The following PHF24 variants were observed in gnomAD, a reference collection of about 807,000 sequenced individuals.
The protein encoded by PHF24 is Galpha inhibitory interacting protein.
In PHF24, 25 loss-of-function variants were observed where a neutral mutation model predicts 42.6. The observed-to-expected ratio is 0.59, with a 90% CI of 0.43 to 0.82. PHF24 has a LOEUF of 0.82. Among genes scored for constraint, PHF24 ranks in the 40% least tolerant of loss-of-function variants. The probability of loss-of-function intolerance (pLI) is 0.00; values close to 1 mark genes in which losing one functional copy is unlikely to be tolerated. For missense variants in PHF24, 470 were observed against 538.1 expected, an observed-to-expected ratio of 0.87 and a Z score of 1.25; for synonymous variants, 185 against 204.8, an observed-to-expected ratio of 0.90 and a Z score of 0.83.
the PHF24 span, among the ~76,000 whole-genome samples, chr9:34,942,465 C>T: frequency 9.8e-5 from 15 of 152,298 alleles, no homozygotes; most frequent in East Asian, 2.1e-3. Flanking sequence ...CCCTCTAGAG[C>T]ACATCAGCAT....
the PHF24 span, among the ~76,000 whole-genome samples, chr9:34,901,516 T>C: frequency 6.6e-6 from 1 of 152,336 alleles, no homozygotes; most frequent in East Asian, 1.9e-4. Flanking sequence ...GCAGAATCTA[T>C]GTATTAAAAG....
At chr9:34,709,382 C>T in the PHF24 span, 1 of 1,606,190 alleles carries the variant, frequency 6.2e-7, no homozygotes, top group South Asian at 1.1e-5. Flanking sequence ...GGGCTCCAGG[C>T]TGCTCACTGG....
chr9:34,936,217 C>T, the PHF24 span, among the ~76,000 whole-genome samples: 4 of 152,308 alleles, frequency 2.6e-5, no homozygotes, highest in South Asian at 2.1e-4. Flanking sequence ...TGCAGGCGCG[C>T]GCCGCCACGC....
chr9:34,923,545 T>C, the PHF24 span, among the ~76,000 whole-genome samples: 2 of 152,190 alleles, frequency 1.3e-5, no homozygotes, highest in Non-Finnish European at 2.9e-5. Flanking sequence ...CTTCATGATA[T>C]AATCTAGGTA....
At chr9:34,713,465 C>T in the PHF24 span, among the ~76,000 whole-genome samples, 1 of 152,038 alleles carries the variant, frequency 6.6e-6, no homozygotes, top group Non-Finnish European at 1.5e-5. Flanking sequence ...ATGCTCTCTT[C>T]TGAAAGACCA....
the PHF24 span, among the ~76,000 whole-genome samples, chr9:34,766,472 T>C: frequency 2.6e-5 from 4 of 152,200 alleles, no homozygotes; most frequent in East Asian, 3.8e-4. Context: ...CACTGATACC[T>C]TTTCTTCCAG....
At chr9:34,826,355 A>G in the PHF24 span, among the ~76,000 whole-genome samples, 4 of 152,228 alleles carry the variant, frequency 2.6e-5, no homozygotes, top group Non-Finnish European at 5.9e-5. Context: ...CACAGAGGCC[A>G]TTCTGGCCCT....
At chr9:34,809,038 AAAAAAAAAAAAT>A in the PHF24 span, among the ~76,000 whole-genome samples, 9 of 98,890 alleles carry the variant, frequency 9.1e-5, no homozygotes, top group South Asian at 7.7e-4. This position sits in a 1 kb window ranked among gnomAD's most constrained non-coding sequence, Gnocchi z 4.1. Context: ...AAAGTATAAT[AAAAAAAAAAAAT>A]AATAAATAAA....
chr9:34,710,642 A>ATTT, the PHF24 span, among the ~76,000 whole-genome samples: 2,058 of 147,088 alleles, frequency 0.014, 32 homozygotes, highest in Middle Eastern at 0.031. Context: ...TGATTTTTCT[A>ATTT]TTTTTTTTTT....
At chr9:34,884,860 G>A in the PHF24 span, among the ~76,000 whole-genome samples, 1 of 152,178 alleles carries the variant, frequency 6.6e-6, no homozygotes, top group Non-Finnish European at 1.5e-5. Context: ...CCCTGCTAGG[G>A]GTGAGCAGGT....
At chr9:34,724,268 G>A in the PHF24 span, 136 of 1,551,396 alleles carry the variant, frequency 8.8e-5, no homozygotes, top group African/African-American at 2.9e-4. Flanking sequence ...CTTGGAGACC[G>A]AGTGGGCAGA....
the PHF24 span, among the ~76,000 whole-genome samples, chr9:34,669,854 A>G: frequency 2.6e-5 from 4 of 152,138 alleles, no homozygotes; most frequent in Non-Finnish European, 5.9e-5. Context: ...GTTTATGCTA[A>G]GAGATGAGAT....
the PHF24 span, among the ~76,000 whole-genome samples, chr9:34,926,953 A>T: frequency 6.6e-6 from 1 of 151,738 alleles, no homozygotes; most frequent in Non-Finnish European, 1.5e-5. This position sits in a 1 kb window ranked among gnomAD's most constrained non-coding sequence, Gnocchi z 4.3. Context: ...CCAGGTCTTT[A>T]TGGGAAATGC....
chr9:34,749,954 A>G, the PHF24 span, among the ~76,000 whole-genome samples: 1 of 152,244 alleles, frequency 6.6e-6, no homozygotes, highest in African/African-American at 2.4e-5. Flanking sequence ...TGAAGGAAAA[A>G]AACTTTTACC....
chr9:34,865,074 G>A, the PHF24 span, among the ~76,000 whole-genome samples: 25 of 149,100 alleles, frequency 1.7e-4, no homozygotes, highest in Non-Finnish European at 3.2e-4. Flanking sequence ...AGCTACTCAG[G>A]AGGCTGAGGC....
At chr9:34,846,917 C>T in the PHF24 span, among the ~76,000 whole-genome samples, 18 of 152,070 alleles carry the variant, frequency 1.2e-4, no homozygotes, top group East Asian at 9.7e-4. Context: ...TGTAGATATG[C>T]GGCATTATTT....
At chr9:34,771,008 GA>G in the PHF24 span, among the ~76,000 whole-genome samples, 2 of 152,162 alleles carry the variant, frequency 1.3e-5, no homozygotes, top group Admixed American at 1.3e-4. Context: ...AGCTACTCGG[GA>G]GGCTGAGGCA....
the PHF24 span, among the ~76,000 whole-genome samples, chr9:34,763,791 T>C: frequency 9.2e-5 from 14 of 152,174 alleles, no homozygotes; most frequent in African/African-American, 3.4e-4. Flanking sequence ...TCAAAGGGAG[T>C]GCTTCCAGTT....
the PHF24 span, among the ~76,000 whole-genome samples, chr9:34,814,532 G>T: frequency 3.3e-5 from 5 of 152,154 alleles, no homozygotes; most frequent in Admixed American, 2.0e-4. Context: ...GCATGTGCAG[G>T]CATCTATCAT....
Sources: gnomAD v4.1 joint callset for allele counts (sites outside exome capture counted in the v4.1 genomes callset) on GRCh38, gnomAD v4.1.1 for gene constraint, Gnocchi (gnomAD v3.1) non-coding constraint, MANE v1.5 for transcripts, NCBI Gene and HGNC (gene_info 2026-07-23, HGNC 2026-07-21) for gene names.